The following UBE2L3 variants were observed in gnomAD, a reference collection of about 807,000 sequenced individuals.
UBE2L3 encodes ubiquitin-conjugating enzyme E2 L3.
In UBE2L3, 1 loss-of-function variant was observed where a neutral mutation model predicts 17.8. The observed-to-expected ratio is 0.06, with a 90% CI of 0.02 to 0.27. The LOEUF is 0.27. UBE2L3 is among the 10% of genes least tolerant of loss of function. The probability of loss-of-function intolerance (pLI) is 1.00; values close to 1 mark genes in which losing one functional copy is unlikely to be tolerated. For missense variants in UBE2L3, 40 were observed against 192.6 expected, an observed-to-expected ratio of 0.21 and a Z score of 4.69; for synonymous variants, 44 against 68.5, an observed-to-expected ratio of 0.64 and a Z score of 1.76.
upstream of UBE2L3, among the ~76,000 whole-genome samples, chr22:21,563,778 T>C (rs1038143185): frequency 1.3e-5 from 2 of 151,368 alleles, no homozygotes; most frequent in Non-Finnish European, 2.9e-5. Flanking sequence ...CATTTCACTA[T>C]GTTGGCCAGG....
chr22:21,593,463 C>T (rs1928368806), intron 2 of UBE2L3, among the ~76,000 whole-genome samples: 1 of 152,138 alleles, frequency 6.6e-6, no homozygotes, highest in African/African-American at 2.4e-5. Context: ...CCCCTCACCC[C>T]ATGTCTTTTC....
At chr22:21,572,422 C>CAAAAAA (rs140497) in intron 1 of UBE2L3, among the ~76,000 whole-genome samples, 26 of 104,728 alleles carry the variant, frequency 2.5e-4, no homozygotes, top group African/African-American at 8.8e-4. Flanking sequence ...GACTCCGTCT[C>CAAAAAA]AAAAAAAAAA....
intron 1 of UBE2L3, among the ~76,000 whole-genome samples, chr22:21,582,413 G>T (rs1244970051): frequency 6.6e-6 from 1 of 151,474 alleles, no homozygotes; most frequent in Non-Finnish European, 1.5e-5. Flanking sequence ...GAGTGCAGTG[G>T]TGCAATCTCG....
chr22:21,585,009 C>T (rs974385500), intron 1 of UBE2L3, among the ~76,000 whole-genome samples: 3 of 152,318 alleles, frequency 2.0e-5, no homozygotes, highest in East Asian at 3.9e-4. Flanking sequence ...TAAGCCACTT[C>T]GTCCAACCAG....
At chr22:21,592,786 G>C in intron 1 of UBE2L3, 75 bp from the exon 2 acceptor site, 1 of 1,184,638 alleles carries the variant, frequency 8.4e-7, no homozygotes, top group Non-Finnish European at 1.3e-6. Flanking sequence ...GGTTTAATTT[G>C]AGGGCATCAG....
rs1156543921 is a variant in UBE2L3 at position 21,610,840 on chromosome 22, T to C, written c.124-17T>C. The C allele has an allele frequency of 6.3e-7, 1 of 1,581,388 alleles. No homozygotes were observed. The highest frequency in any genetic ancestry group is 1.2e-5 in the South Asian group (1 of 86,332). On this transcript the variant is annotated splice_polypyrimidine_tract_variant and intron_variant, in intron 2 of 3. Coordinates refer to ENST00000342192, the MANE Select transcript of UBE2L3 (RefSeq NM_003347.4). ...ATGAACCATGGTGTGTTCATTTTGA[T>C]CTCTCTTTCCTTCCAGGACAACCCT...
intron 1 of UBE2L3, among the ~76,000 whole-genome samples, chr22:21,555,833 G>A (rs1926205861): frequency 6.6e-6 from 1 of 152,262 alleles, no homozygotes; most frequent in South Asian, 2.1e-4. Flanking sequence ...TCGGGAGGCT[G>A]AGGCAGGAGA....
chr22:21,584,271 G>A (rs1293489298), intron 1 of UBE2L3, among the ~76,000 whole-genome samples: 1 of 150,350 alleles, frequency 6.7e-6, no homozygotes, highest in African/African-American at 2.5e-5. Flanking sequence ...TCCACCTCCC[G>A]GGTTCAAGCG....
At chr22:21,570,092 C>T (rs989924214) in intron 1 of UBE2L3, among the ~76,000 whole-genome samples, 1 of 152,218 alleles carries the variant, frequency 6.6e-6, no homozygotes, top group Non-Finnish European at 1.5e-5. Context: ...TGTGTGACCA[C>T]AGCGCTTTCT....
chr22:21,582,343 G>T (rs1568975173), intron 1 of UBE2L3, among the ~76,000 whole-genome samples: 1 of 147,806 alleles, frequency 6.8e-6, no homozygotes, highest in African/African-American at 2.5e-5. Flanking sequence ...AATGTGGTGG[G>T]TTTTTTTTTG....
chr22:21,567,679 T>G, upstream of UBE2L3: 3 of 1,553,454 alleles, frequency 1.9e-6, no homozygotes, highest in Non-Finnish European at 2.6e-6. Flanking sequence ...CTCCAGGAAG[T>G]GCGGGGGCTC....
chr22:21,596,165 C>T (rs756367562), intron 2 of UBE2L3, among the ~76,000 whole-genome samples: 1 of 152,114 alleles, frequency 6.6e-6, no homozygotes, highest in Non-Finnish European at 1.5e-5. Context: ...CGCTGGCCTT[C>T]ATGCAGTTTT....
intron 2 of UBE2L3, among the ~76,000 whole-genome samples, chr22:21,605,677 T>G: frequency 6.6e-6 from 1 of 152,202 alleles, no homozygotes; most frequent in East Asian, 1.9e-4. Flanking sequence ...GGCTAATTTT[T>G]GTATTTTTAG....
At chr22:21,563,876 A>T (rs1024419317), upstream of UBE2L3, among the ~76,000 whole-genome samples, 1 of 151,336 alleles carries the variant, frequency 6.6e-6, no homozygotes, top group South Asian at 2.1e-4. Flanking sequence ...CACCTGGACT[A>T]TTTATTTTTG....
chr22:21,557,447 C>T (rs1926274267), intron 1 of UBE2L3, among the ~76,000 whole-genome samples: 1 of 152,240 alleles, frequency 6.6e-6, no homozygotes, highest in Admixed American at 6.5e-5. Flanking sequence ...ACAGAAATAC[C>T]ATAGGCCTGT....
At chr22:21,583,028 A>G (rs1772505618) in intron 1 of UBE2L3, among the ~76,000 whole-genome samples, 1 of 152,182 alleles carries the variant, frequency 6.6e-6, no homozygotes, top group Non-Finnish European at 1.5e-5. Context: ...GGTATTAAAC[A>G]GCCCCCAGGG....
chr22:21,598,195 ATG>A (rs371127802), intron 2 of UBE2L3, among the ~76,000 whole-genome samples: 5 of 148,390 alleles, frequency 3.4e-5, no homozygotes, highest in African/African-American at 9.8e-5. Flanking sequence ...GGTTTCATTA[ATG>A]TGTGTGTGTG....
chr22:21,620,043 A>C (rs549667531), intron 3 of UBE2L3, among the ~76,000 whole-genome samples: 2 of 152,276 alleles, frequency 1.3e-5, no homozygotes, highest in South Asian at 2.1e-4. Context: ...CTGTCATCCT[A>C]GCACTTTTGG....
At chr22:21,595,394 C>T (rs1928458109) in intron 2 of UBE2L3, among the ~76,000 whole-genome samples, 1 of 152,342 alleles carries the variant, frequency 6.6e-6, no homozygotes, top group East Asian at 1.9e-4. Flanking sequence ...CTGCATTGGA[C>T]GGGCTGGGCC....
Sources: gnomAD v4.1 joint callset for allele counts (sites outside exome capture counted in the v4.1 genomes callset) on GRCh38, gnomAD v4.1.1 for gene constraint, MANE v1.5 for transcripts, NCBI Gene and HGNC (gene_info 2026-07-23, HGNC 2026-07-21) for gene names.